Variants in DAB1 observed in about 807,000 individuals in gnomAD.
DAB1 encodes disabled homolog 1.
DAB1 carries 15 observed loss-of-function variants against 64.6 expected under a neutral mutation model. The observed-to-expected ratio is 0.23, with a 90% CI of 0.16 to 0.36. The LOEUF (loss-of-function observed/expected upper bound fraction) is 0.36. DAB1 is among the 10% of genes least tolerant of loss of function. The pLI, the probability that DAB1 is intolerant of heterozygous loss-of-function variation, is 1.00. For synonymous variants in DAB1, 235 were observed against 251.9 expected (o/e 0.93, Z 0.64); for missense variants, 596 against 706.7 (o/e 0.84, Z 1.78).
intron 2 of DAB1, among the ~76,000 whole-genome samples, chr1:57,206,959 C>A (rs1437170388): frequency 1.5e-5 from 2 of 131,194 alleles, no homozygotes; most frequent in South Asian, 2.3e-4. Flanking sequence ...CTCTTTCTTT[C>A]CTTCCTTCCT....
chr1:58,187,587 T>A (rs912180283), intron 4 of DAB1, among the ~76,000 whole-genome samples: 2 of 148,938 alleles, frequency 1.3e-5, no homozygotes, highest in South Asian at 2.1e-4. Context: ...TTATTATTAT[T>A]ATAATTTTTG....
At chr1:57,156,405 A>G (rs545680756) in intron 2 of DAB1, among the ~76,000 whole-genome samples, 1 of 152,236 alleles carries the variant, frequency 6.6e-6, no homozygotes, top group South Asian at 2.1e-4. Context: ...TCTACACTTG[A>G]ACTCTATAAG....
chr1:57,135,656 T>A (rs17420649), intron 4 of DAB1, among the ~76,000 whole-genome samples: 3,595 of 152,294 alleles, frequency 0.024, 66 homozygotes, highest in Non-Finnish European at 0.038. Flanking sequence ...ACATTTAAAC[T>A]ACCATCTTAC....
intron 3 of DAB1, among the ~76,000 whole-genome samples, chr1:58,426,810 T>C (rs1169171057): frequency 6.6e-6 from 1 of 152,114 alleles, no homozygotes; most frequent in African/African-American, 2.4e-5. Flanking sequence ...AAAAAATAAA[T>C]GAGTAAAATC....
At chr1:58,030,409 G>A (rs916734740) in intron 5 of DAB1, among the ~76,000 whole-genome samples, 5 of 152,088 alleles carry the variant, frequency 3.3e-5, no homozygotes, top group African/African-American at 1.2e-4. Context: ...AAGGTGAGGA[G>A]GCAAACAGTA....
chr1:57,000,258 A>G (rs1645806923), intron 14 of DAB1, among the ~76,000 whole-genome samples: 1 of 151,918 alleles, frequency 6.6e-6, no homozygotes, highest in African/African-American at 2.4e-5. Context: ...GTCAGCCAGG[A>G]TGGTCTCAAT....
chr1:57,350,499 C>T (rs1270446140), intron 1 of DAB1, among the ~76,000 whole-genome samples: 1 of 152,106 alleles, frequency 6.6e-6, no homozygotes, highest in African/African-American at 2.4e-5. Context: ...GCATATCCTG[C>T]TCCCACTTGG....
chr1:57,041,965 G>T (rs1222993126), intron 9 of DAB1, among the ~76,000 whole-genome samples: 1 of 152,136 alleles, frequency 6.6e-6, no homozygotes, highest in African/African-American at 2.4e-5. Context: ...CCCAACTCCT[G>T]TTCTAGTTCC....
intron 6 of DAB1, among the ~76,000 whole-genome samples, chr1:57,763,725 C>T (rs1557467119): frequency 1.3e-5 from 2 of 152,090 alleles, no homozygotes; most frequent in African/African-American, 2.4e-5. Flanking sequence ...AGAGATGATT[C>T]TCCTGATCAC....
intron 7 of DAB1, among the ~76,000 whole-genome samples, chr1:57,069,784 C>T: frequency 6.6e-6 from 1 of 152,172 alleles, no homozygotes; most frequent in East Asian, 1.9e-4. Flanking sequence ...GGATCCCAAA[C>T]TTTGTAATGT....
chr1:57,656,460 A>C (rs995729616), intron 6 of DAB1, among the ~76,000 whole-genome samples: 1 of 152,218 alleles, frequency 6.6e-6, no homozygotes, highest in African/African-American at 2.4e-5. Flanking sequence ...TTAGGTTTGC[A>C]ACAACCTAAT....
intron 4 of DAB1, among the ~76,000 whole-genome samples, chr1:58,156,108 T>G (rs550884885): frequency 1.3e-5 from 2 of 152,218 alleles, no homozygotes; most frequent in Non-Finnish European, 2.9e-5. Context: ...CAACAGTGTT[T>G]TGGAGATTTT....
At chr1:57,879,715 A>G (rs989173034) in intron 1 of DAB1, among the ~76,000 whole-genome samples, 1 of 151,906 alleles carries the variant, frequency 6.6e-6, no homozygotes, top group African/African-American at 2.4e-5. Context: ...GAGCCCAGTG[A>G]CTCCACCTGG....
chr1:57,460,181 G>A (rs1686736585), intron 7 of DAB1, among the ~76,000 whole-genome samples: 1 of 152,202 alleles, frequency 6.6e-6, no homozygotes, highest in Non-Finnish European at 1.5e-5. Context: ...TCCAGAGGAT[G>A]TAGCTCATTC....
At chr1:57,070,924 G>A in intron 7 of DAB1, 99 bp downstream of exon 7, 1 of 1,062,074 alleles carries the variant, frequency 9.4e-7, no homozygotes. Context: ...CTCTCTCCAG[G>A]TTTTGCAGTC....
intron 7 of DAB1, among the ~76,000 whole-genome samples, chr1:57,539,617 G>A (rs72914804): frequency 0.011 from 1,641 of 152,286 alleles, 42 homozygotes; most frequent in African/African-American, 0.038. Flanking sequence ...AAACCTTTGA[G>A]CTACTTTGTA....
At chr1:57,323,174 T>C (rs555061754) in intron 1 of DAB1, among the ~76,000 whole-genome samples, 1 of 152,276 alleles carries the variant, frequency 6.6e-6, no homozygotes, top group Admixed American at 6.5e-5. Flanking sequence ...TAGTCTTTCC[T>C]TCCTGTATGT....
rs181893807 is a variant in DAB1, at chr1:57,801,988, C to G, written n.551+82011G>C. ...TTATAAGAGTATTTCACACCAGTCA[C>G]AGGTAGAGACTATTGGGGTGCACAC... On this transcript the variant is annotated intron_variant and non_coding_transcript_variant, in intron 6 of 20. Transcript: ENST00000485760. 3.0e-4 allele frequency among the ~76,000 whole-genome samples: 45 copies of G among 152,296 alleles called. 2 individuals are homozygous for G. Among genetic ancestry groups the G allele is most frequent in the Admixed American group, 2.2e-3 (34 of 15,302 alleles).
intron 4 of DAB1, among the ~76,000 whole-genome samples, chr1:57,132,799 C>T (rs1290266137): frequency 2.0e-5 from 3 of 152,118 alleles, no homozygotes; most frequent in Admixed American, 1.3e-4. Flanking sequence ...TGTAACTCCA[C>T]CCCTTTTGTC....
Sources: allele counts gnomAD v4.1 joint callset (sites outside exome capture counted in the v4.1 genomes callset), GRCh38; gene constraint gnomAD v4.1.1; transcripts MANE v1.5; gene names NCBI Gene and HGNC (gene_info 2026-07-23, HGNC 2026-07-21).